Variants in PAPOLG observed in about 807,000 individuals in gnomAD.
PAPOLG encodes the protein poly(A) polymerase gamma.
A neutral mutation model predicts 99.0 loss-of-function variants in PAPOLG; 40 were observed. That is an observed-to-expected ratio of 0.40 (90% CI 0.31 to 0.53). The LOEUF (loss-of-function observed/expected upper bound fraction) is 0.53. PAPOLG is among the 20% of genes least tolerant of loss of function. PAPOLG has a pLI of 0.41. For synonymous variants in PAPOLG, 310 were observed against 299.3 expected (o/e 1.04, Z -0.37); for missense variants, 675 against 884.1 (o/e 0.76, Z 3.00).
intron 11 of PAPOLG, 27 bp from the exon 12 acceptor site, chr2:60,782,653 CTTTTTT>C (rs747526129): frequency 8.9e-5 from 95 of 1,065,688 alleles, no homozygotes; most frequent in African/African-American, 4.2e-4. Context: ...CATTCTTCTT[CTTTTTT>C]TTTTTTTTTT....
intron 1 of PAPOLG, 23 bp from the exon 2 acceptor site, chr2:60,760,111 A>G: frequency 6.2e-7 from 1 of 1,606,480 alleles, no homozygotes; most frequent in Non-Finnish European, 8.5e-7. Context: ...TTTTTGTTTC[A>G]TTTTTCTTAT....
chr2:60,778,627 A>G (rs567722436), intron 8 of PAPOLG, among the ~76,000 whole-genome samples: 344 of 152,332 alleles, frequency 2.3e-3, no homozygotes, highest in African/African-American at 7.8e-3. Flanking sequence ...TTACATCTCA[A>G]TAAAGCTGTT....
At chr2:60,762,518 A>G (rs886126672) in intron 3 of PAPOLG, among the ~76,000 whole-genome samples, 3 of 152,118 alleles carry the variant, frequency 2.0e-5, no homozygotes, top group Non-Finnish European at 4.4e-5. Flanking sequence ...ACCTTTTCAG[A>G]TCCTTTTGCA....
At position 60,797,135 on chromosome 2, in the gene PAPOLG, C is replaced by A; in HGVS notation, c.2186C>A (p.Ser729Tyr). 1 of 1,614,090 alleles carries A rather than the reference C, an allele frequency of 6.2e-7. No individual in the cohort carries two copies. Among genetic ancestry groups the A allele is most frequent in the East Asian group, 2.2e-5 (1 of 44,872 alleles). ...AACAACATCCGTGTCATCAAAAATT[C>A]CATTCGACTGACCCTTAATCGGTAA... is the stretch of plus-strand genomic sequence containing the variant. ...PANNIRVIKN[S>Y]IRLTLNR Residue 729 changes from serine to tyrosine, a missense_variant, in exon 22 of 22, where the codon TCC becomes TAC. Around this residue, in one of 3 missense-constraint regions of PAPOLG, gnomAD observed 413 missense variants for 460.5 expected, o/e 0.90. Coordinates refer to ENST00000238714, the MANE Select transcript of PAPOLG (RefSeq NM_022894.4).
At chr2:60,773,838 A>G (rs1670930450) in intron 7 of PAPOLG, among the ~76,000 whole-genome samples, 1 of 152,244 alleles carries the variant, frequency 6.6e-6, no homozygotes, top group Admixed American at 6.5e-5. Flanking sequence ...ATTGGCAACA[A>G]ATTTTGTCAT....
At chr2:60,772,606 A>C (rs1185905984) in intron 7 of PAPOLG, among the ~76,000 whole-genome samples, 10 of 151,860 alleles carry the variant, frequency 6.6e-5, no homozygotes, top group Admixed American at 6.6e-4. Flanking sequence ...AAACTAGCCA[A>C]GTGTGGTGGT....
chr2:60,800,510 T>C lies in PAPOLG; in HGVS notation c.*3350T>C, dbSNP rs1464652571. ...GAGAATGAATTTTAAAAATCTATGT[T>C]AGTGTTTAAAATGAGTGCTTTGTTT... On this transcript the variant is annotated 3_prime_UTR_variant, in exon 22 of 22. Transcript: ENST00000238714. 1 of 152,374 alleles carries C rather than the reference T, an allele frequency of 6.6e-6. No homozygotes were observed. Among genetic ancestry groups the C allele is most frequent in the East Asian group, 1.9e-4 (1 of 5,340 alleles). 9.4% of individuals were successfully genotyped at this position (152,374 alleles called of 1,614,324 possible).
At chr2:60,793,763 T>C (rs1671613335) in intron 18 of PAPOLG, 48 bp downstream of exon 18, 1 of 1,555,820 alleles carries the variant, frequency 6.4e-7, no homozygotes, top group African/African-American at 1.4e-5. Flanking sequence ...TACAAAAAAT[T>C]AGCTAGGCAT....
At chr2:60,772,636 T>C (rs768992084) in intron 7 of PAPOLG, among the ~76,000 whole-genome samples, 3 of 151,986 alleles carry the variant, frequency 2.0e-5, no homozygotes, top group Non-Finnish European at 2.9e-5. Context: ...TAATCCCAGC[T>C]ACTCGGGAGG....
rs886308237 is a variant in PAPOLG at position 60,799,059 on chromosome 2, T to C, written c.*1899T>C. ...AATAGTCTATTTGAGCAAAAATGAA[T>C]GATTATGAAAGAACCGAAGAATTAT... On this transcript the variant is annotated 3_prime_UTR_variant, in exon 22 of 22. Coordinates refer to ENST00000238714, the MANE Select transcript of PAPOLG (RefSeq NM_022894.4). 4 of 152,386 alleles carry C rather than the reference T, an allele frequency of 2.6e-5. No individual in the cohort carries two copies. Among genetic ancestry groups the C allele is most frequent in the Non-Finnish European group, 2.9e-5 (2 of 68,034 alleles). The allele number at this position is 152,386 out of a possible 1,614,324, so 9.4% of individuals were successfully genotyped here.
Position 60,800,800 on chromosome 2 carries a change from G to C in PAPOLG, c.*3640G>C, listed in dbSNP as rs1371885633. On this transcript the variant is annotated 3_prime_UTR_variant, in exon 22 of 22. Coordinates refer to ENST00000238714, the MANE Select transcript of PAPOLG (RefSeq NM_022894.4). Reference sequence around the variant, plus strand: ...AAGTGGCAAAAGTATGGGAGTTAGGGTTAGGAACCACCAGGATTGAATAAT... The same window carrying C: ...AAGTGGCAAAAGTATGGGAGTTAGGCTTAGGAACCACCAGGATTGAATAAT... 6.6e-6 allele frequency: 1 copy of C among 152,198 alleles called. No individual in the cohort carries two copies. The highest frequency in any genetic ancestry group is 2.4e-5 in the African/African-American group (1 of 41,440). The allele number at this position is 152,198 out of a possible 1,614,324, so 9.4% of individuals were successfully genotyped here. A position where few individuals can be genotyped will look rare whatever the true frequency, so the allele number is the denominator to read the frequency against.
At chr2:60,765,380 C>T (rs1453397172) in intron 3 of PAPOLG, among the ~76,000 whole-genome samples, 2 of 147,582 alleles carry the variant, frequency 1.4e-5, no homozygotes, top group African/African-American at 2.5e-5. Context: ...CACACCCAGC[C>T]TATAATTCTC....
chr2:60,759,706 G>GA (rs751500959), intron 1 of PAPOLG, among the ~76,000 whole-genome samples: 14 of 152,036 alleles, frequency 9.2e-5, no homozygotes, highest in African/African-American at 2.2e-4. Flanking sequence ...CTTTCCTGGG[G>GA]AAAAAAACCC....
At position 60,798,351 on chromosome 2, in the gene PAPOLG, A is replaced by G. The variant is rs1030637576; in HGVS notation, c.*1191A>G. On this transcript the variant is annotated 3_prime_UTR_variant, in exon 22 of 22. Coordinates refer to ENST00000238714, the MANE Select transcript of PAPOLG (RefSeq NM_022894.4). ...GCTCAGTTTATTAAAATCCATAACC[A>G]TGTAATTCTTGTAATATGTTGATTC... 3.9e-5 allele frequency: 6 copies of G among 152,770 alleles called. No individual in the cohort carries two copies. Among genetic ancestry groups the G allele is most frequent in the Non-Finnish European group, 8.8e-5 (6 of 68,034 alleles). 9.5% of individuals were successfully genotyped at this position (152,770 alleles called of 1,614,324 possible).
chr2:60,794,619 T>C, intron 19 of PAPOLG, 91 bp from the exon 20 acceptor site: 1 of 1,056,550 alleles, frequency 9.5e-7, no homozygotes, highest in Non-Finnish European at 1.4e-6. Flanking sequence ...TTTATAATAG[T>C]GTAACCAATA....
Position 60,800,700 on chromosome 2 carries a change from T to C in PAPOLG, c.*3540T>C, listed in dbSNP as rs1671819327. ...AATCATGAACCCTTAGGGAATCCTT[T>C]ATAATTGTGTATAAGAAGTTCTAGT... On this transcript the variant is annotated 3_prime_UTR_variant, in exon 22 of 22. Transcript: ENST00000238714. 1 of 152,328 alleles carries C rather than the reference T, an allele frequency of 6.6e-6. No homozygotes were observed. Among genetic ancestry groups the C allele is most frequent in the Non-Finnish European group, 1.5e-5 (1 of 68,046 alleles). 9.4% of individuals were successfully genotyped at this position (152,328 alleles called of 1,614,324 possible). A position where few individuals can be genotyped will look rare whatever the true frequency, so the allele number is the denominator to read the frequency against.
intron 21 of PAPOLG, among the ~76,000 whole-genome samples, chr2:60,796,137 CAA>C (rs1671688420): frequency 1.4e-5 from 2 of 142,424 alleles, no homozygotes; most frequent in South Asian, 2.3e-4. Context: ...CAAGGTAAAA[CAA>C]GAGGAGAATT....
intron 21 of PAPOLG, among the ~76,000 whole-genome samples, chr2:60,796,058 T>A (rs974231099): frequency 2.6e-5 from 4 of 152,098 alleles, no homozygotes; most frequent in African/African-American, 7.2e-5. Flanking sequence ...GGTGTCTACT[T>A]CTTTGTATAT....
intron 16 of PAPOLG, 42 bp downstream of exon 16, chr2:60,791,924 A>C: frequency 6.3e-7 from 1 of 1,588,822 alleles, no homozygotes; most frequent in Non-Finnish European, 8.5e-7. Flanking sequence ...TTTTACTCAG[A>C]CAAATGATCT....
Sources: allele counts gnomAD v4.1 joint callset (sites outside exome capture counted in the v4.1 genomes callset), GRCh38; gene constraint gnomAD v4.1.1; regional missense constraint gnomAD v4.1.1; transcripts MANE v1.5; gene names NCBI Gene and HGNC (gene_info 2026-07-23, HGNC 2026-07-21).